The following PPARGC1B variants were observed in gnomAD, a reference collection of about 807,000 sequenced individuals.
PPARGC1B encodes the protein peroxisome proliferator-activated receptor gamma coactivator 1-beta.
Under a neutral mutation model 101.6 loss-of-function variants are expected in PPARGC1B, and 34 were observed. The observed-to-expected ratio is 0.33, with a 90% CI of 0.25 to 0.45. The LOEUF is 0.45. PPARGC1B is among the 20% of genes least tolerant of loss of function. The pLI is 1.00. For synonymous variants in PPARGC1B, 548 were observed against 539.3 expected, an observed-to-expected ratio of 1.02 and a Z score of -0.22; for missense variants, 1,234 against 1,317.6, an observed-to-expected ratio of 0.94 and a Z score of 0.98.
chr5:149,856,351 A>G (rs184886045), downstream of PPARGC1B, among the ~76,000 whole-genome samples: 13 of 152,296 alleles, frequency 8.5e-5, 1 homozygote, highest in East Asian at 2.3e-3. Flanking sequence ...TTAGGGGCAG[A>G]GTTCTCTGGT....
chr5:149,738,189 C>T (rs1250614870), intron 1 of PPARGC1B, among the ~76,000 whole-genome samples: 1 of 152,110 alleles, frequency 6.6e-6, no homozygotes, highest in Non-Finnish European at 1.5e-5. Flanking sequence ...TTTCATCCAC[C>T]TTGTTTTTCA....
At chr5:149,819,138 C>G (rs949870777) in intron 1 of PPARGC1B, among the ~76,000 whole-genome samples, 1 of 152,210 alleles carries the variant, frequency 6.6e-6, no homozygotes, top group Admixed American at 6.5e-5. Flanking sequence ...TTCCAACATA[C>G]CAGGTTTCCA....
chr5:149,791,624 A>G (rs1045950938), intron 1 of PPARGC1B, among the ~76,000 whole-genome samples: 1 of 152,034 alleles, frequency 6.6e-6, no homozygotes, highest in South Asian at 2.1e-4. Context: ...GCAAATGTCA[A>G]TTTCTGCAGA....
intron 1 of PPARGC1B, among the ~76,000 whole-genome samples, chr5:149,732,071 TGTGTGTGC>T (rs1214166340): frequency 1.4e-3 from 194 of 139,242 alleles, no homozygotes; most frequent in African/African-American, 4.7e-3. Context: ...TGTGTGTGTG[TGTGTGTGC>T]ACACGCCGCG....
intron 1 of PPARGC1B, among the ~76,000 whole-genome samples, chr5:149,774,808 A>G (rs1756291492): frequency 6.6e-6 from 1 of 152,026 alleles, no homozygotes; most frequent in African/African-American, 2.4e-5. Flanking sequence ...TTCTCAGAAG[A>G]TGACAGATTC....
At chr5:149,828,429 G>A (rs896313421) in intron 3 of PPARGC1B, among the ~76,000 whole-genome samples, 10 of 152,216 alleles carry the variant, frequency 6.6e-5, no homozygotes, top group South Asian at 4.1e-4. Context: ...CTATTAGGAG[G>A]ATTACAGCAG....
In PPARGC1B at chr5:149,833,826, G is replaced by A. The variant is rs1436839904; in HGVS notation, c.1705+48G>A. 6.9e-7 allele frequency: 1 copy of A among 1,444,556 alleles called. No individual in the cohort carries two copies. Among genetic ancestry groups the A allele is most frequent in the South Asian group, 1.5e-5 (1 of 68,442 alleles). 89.5% of individuals were successfully genotyped at this position (1,444,556 alleles called of 1,614,324 possible). A position where few individuals can be genotyped will look rare whatever the true frequency, so the allele number is the denominator to read the frequency against. ...GAAGTGGGGGCAGGGATGGGGTGCA[G>A]CATGCCCCTCTGCACTGGGAGCCAG... On this transcript the variant is annotated intron_variant, in intron 5 of 11. Coordinates refer to ENST00000309241, the MANE Select transcript of PPARGC1B (RefSeq NM_133263.4). The surrounding 1 kb of genome is among the most constrained non-coding windows in gnomAD (Gnocchi z 4.1).
intron 1 of PPARGC1B, among the ~76,000 whole-genome samples, chr5:149,818,398 G>T (rs1182885486): frequency 1.3e-5 from 2 of 152,174 alleles, no homozygotes; most frequent in African/African-American, 4.8e-5. Context: ...TGGTGGGCAG[G>T]GTGGTGGGGC....
chr5:149,794,893 G>T (rs1354826246), intron 1 of PPARGC1B, among the ~76,000 whole-genome samples: 1 of 152,234 alleles, frequency 6.6e-6, no homozygotes, highest in Non-Finnish European at 1.5e-5. Flanking sequence ...CTCCACTGGG[G>T]TCTGCAGTCA....
chr5:149,845,733 CA>C, intron 10 of PPARGC1B, 26 bp from the exon 11 acceptor site: 1 of 1,577,468 alleles, frequency 6.3e-7, no homozygotes, highest in Non-Finnish European at 8.6e-7. Flanking sequence ...AGCCCAATAA[CA>C]TACTCTCCTT....
intron 1 of PPARGC1B, among the ~76,000 whole-genome samples, chr5:149,780,276 C>T (rs762603177): frequency 2.0e-5 from 3 of 152,256 alleles, no homozygotes; most frequent in Non-Finnish European, 4.4e-5. Flanking sequence ...GGTTCAGATT[C>T]TCATCCTTAC....
downstream of PPARGC1B, chr5:149,857,935 G>C (rs138093553): frequency 1.3e-5 from 2 of 152,338 alleles, no homozygotes; most frequent in Non-Finnish European, 2.9e-5. Context: ...ATAACATTCA[G>C]TGTGGAAGGA....
intron 1 of PPARGC1B, among the ~76,000 whole-genome samples, chr5:149,759,489 G>A (rs1365806910): frequency 6.6e-6 from 1 of 152,196 alleles, no homozygotes; most frequent in Non-Finnish European, 1.5e-5. Flanking sequence ...AGGAGGGGCA[G>A]GAGAGGTACT....
In PPARGC1B at chr5:149,847,599, C is replaced by G. The variant is rs1215592016; in HGVS notation, c.*41C>G. 4 of 1,424,090 alleles carry G rather than the reference C, an allele frequency of 2.8e-6. No homozygotes were observed. In the African/African-American group the frequency reaches 5.6e-5, roughly 20 times the overall value. 88.2% of individuals were successfully genotyped at this position (1,424,090 alleles called of 1,614,324 possible). On this transcript the variant is annotated 3_prime_UTR_variant, in exon 12 of 12. Transcript: ENST00000309241. The stretch of plus-strand genomic sequence containing the variant: ...TCGAGGAATACCTCAATACCTCAGA[C>G]AAGGCCCTTCCAATATGTTTACGTT...
In PPARGC1B at chr5:149,852,675, T is replaced by G. The variant is rs1581134461; in HGVS notation, c.*5117T>G. 1 of 151,964 alleles carries G rather than the reference T, an allele frequency of 6.6e-6. No homozygotes were observed. The highest frequency in any genetic ancestry group is 2.4e-5 in the African/African-American group (1 of 41,378). The allele number at this position is 151,964 out of a possible 1,614,324, so 9.4% of individuals were successfully genotyped here. On this transcript the variant is annotated 3_prime_UTR_variant, in exon 12 of 12. Coordinates refer to ENST00000309241, the MANE Select transcript of PPARGC1B (RefSeq NM_133263.4). ...CGAATGTTGTGACCATTTGGCTGTTTCTCTCTTGTTCTCAGACAATACTAG... is the reference window on the plus strand; with the variant it reads ...CGAATGTTGTGACCATTTGGCTGTTGCTCTCTTGTTCTCAGACAATACTAG...
intron 1 of PPARGC1B, among the ~76,000 whole-genome samples, chr5:149,751,209 C>T (rs1399709033): frequency 6.6e-6 from 1 of 152,168 alleles, no homozygotes; most frequent in Admixed American, 6.5e-5. Context: ...TATCCCCACC[C>T]TGCCACTTAG....
chr5:149,749,406 T>C (rs1244657929), intron 1 of PPARGC1B, among the ~76,000 whole-genome samples: 1 of 152,226 alleles, frequency 6.6e-6, no homozygotes, highest in Non-Finnish European at 1.5e-5. Flanking sequence ...GTGAGACTTG[T>C]GGCCCTTCAG....
At chr5:149,766,998 C>T (rs934795210) in intron 1 of PPARGC1B, among the ~76,000 whole-genome samples, 5 of 152,180 alleles carry the variant, frequency 3.3e-5, no homozygotes, top group African/African-American at 1.2e-4. Flanking sequence ...ACGAGGCTGT[C>T]GGAGATGAGG....
At chr5:149,764,536 A>G (rs1334714892) in intron 1 of PPARGC1B, among the ~76,000 whole-genome samples, 1 of 152,048 alleles carries the variant, frequency 6.6e-6, no homozygotes, top group Non-Finnish European at 1.5e-5. Flanking sequence ...CTGCATAGAC[A>G]CAGACATACT....
Sources: gnomAD v4.1 joint callset for allele counts (sites outside exome capture counted in the v4.1 genomes callset) on GRCh38, gnomAD v4.1.1 for gene constraint, Gnocchi (gnomAD v3.1) non-coding constraint, MANE v1.5 for transcripts, NCBI Gene and HGNC (gene_info 2026-07-23, HGNC 2026-07-21) for gene names.